Variants in PARP8 observed in about 807,000 individuals in gnomAD.
PARP8 encodes the protein protein mono-ADP-ribosyltransferase PARP8.
A neutral mutation model predicts 124.1 loss-of-function variants in PARP8; 51 were observed. The ratio of observed to expected loss-of-function variants is 0.41; its 90% CI spans 0.33 to 0.52. The LOEUF (loss-of-function observed/expected upper bound fraction) is 0.52, where lower values mean the gene tolerates loss of function less well. Among genes scored for constraint, PARP8 ranks in the 20% least tolerant of loss-of-function variants. The pLI is 0.21. For synonymous variants in PARP8, 391 were observed against 361.5 expected (o/e 1.08, Z -0.93); for missense variants, 860 against 1,018.9 (o/e 0.84, Z 2.12).
intron 2 of PARP8, among the ~76,000 whole-genome samples, chr5:50,679,127 TA>T (rs202185549): frequency 1.7e-4 from 25 of 149,946 alleles, no homozygotes; most frequent in African/African-American, 3.4e-4. Flanking sequence ...TGCTTTCACT[TA>T]AAAAAAAAAT....
rs149727857 is a variant in PARP8, at chr5:50,829,600, G to A, written c.2164-292G>A. Among the ~76,000 whole-genome samples, 601 of 152,196 alleles carry A rather than the reference G, an allele frequency of 3.9e-3. 2 individuals are homozygous for A. The highest frequency in any genetic ancestry group is 0.014 in the African/African-American group (575 of 41,526). On this transcript the variant is annotated intron_variant, in intron 21 of 25. Transcript: ENST00000281631. ...TACTGTGTCTTTCGGACCAAGTTTAGTTTCTGAAATTTTAGATCCATTAAA... is the reference window on the plus strand; with the variant it reads ...TACTGTGTCTTTCGGACCAAGTTTAATTTCTGAAATTTTAGATCCATTAAA...
intron 10 of PARP8, among the ~76,000 whole-genome samples, chr5:50,793,817 G>A (rs26067): frequency 0.72 from 109,779 of 151,908 alleles, 41,159 homozygotes; most frequent in African/African-American, 0.93. Context: ...TTTCTTAAAA[G>A]TTGATTTTCT....
At chr5:50,679,938 G>A (rs1322573285) in intron 2 of PARP8, among the ~76,000 whole-genome samples, 3 of 152,068 alleles carry the variant, frequency 2.0e-5, no homozygotes, top group Admixed American at 1.3e-4. Context: ...TCTAAATTAC[G>A]GTCAAATTGT....
intron 17 of PARP8, among the ~76,000 whole-genome samples, chr5:50,823,214 C>A (rs1243772157): frequency 6.6e-6 from 1 of 152,212 alleles, no homozygotes; most frequent in African/African-American, 2.4e-5. Flanking sequence ...TGTCCCAGGG[C>A]CCACTAAGCT....
At chr5:50,678,722 C>T (rs1334197430) in intron 2 of PARP8, among the ~76,000 whole-genome samples, 5 of 152,130 alleles carry the variant, frequency 3.3e-5, no homozygotes, top group Non-Finnish European at 7.4e-5. Context: ...AGCTCATTCT[C>T]CAGGAGCTGG....
intron 2 of PARP8, among the ~76,000 whole-genome samples, chr5:50,734,807 G>A (rs1757319587): frequency 6.6e-6 from 1 of 152,024 alleles, no homozygotes; most frequent in Non-Finnish European, 1.5e-5. Flanking sequence ...TTTTTCCTGA[G>A]TATTGGAGTT....
intron 7 of PARP8, among the ~76,000 whole-genome samples, chr5:50,768,259 T>A (rs1761245907): frequency 1.3e-5 from 2 of 152,102 alleles, no homozygotes; most frequent in Non-Finnish European, 2.9e-5. Context: ...CTTGAGTAGT[T>A]CCATTAAAAA....
At chr5:50,679,530 C>T (rs1429904236) in intron 2 of PARP8, among the ~76,000 whole-genome samples, 1 of 152,148 alleles carries the variant, frequency 6.6e-6, no homozygotes, top group Non-Finnish European at 1.5e-5. Flanking sequence ...GAGCTTTTGT[C>T]TTGGGCCACC....
At chr5:50,788,052 T>C in intron 9 of PARP8, among the ~76,000 whole-genome samples, 1 of 149,734 alleles carries the variant, frequency 6.7e-6, no homozygotes, top group Middle Eastern at 3.6e-3. Context: ...AAATGATGTA[T>C]GTAGATGCAA....
intron 25 of PARP8, among the ~76,000 whole-genome samples, chr5:50,837,229 AAC>A (rs1336519422): frequency 2.0e-5 from 3 of 152,184 alleles, no homozygotes; most frequent in Admixed American, 6.6e-5. Context: ...TTGCTTTATG[AAC>A]ACAAATGAGA....
chr5:50,770,092 T>TC (rs758183369), intron 7 of PARP8, among the ~76,000 whole-genome samples: 1 of 152,102 alleles, frequency 6.6e-6, no homozygotes, highest in Non-Finnish European at 1.5e-5. Flanking sequence ...TTGCAACATT[T>TC]CCCCCAGGAT....
At position 50,734,886 on chromosome 5, in the gene PARP8, C is replaced by T. The variant is rs114476916; in HGVS notation, c.147-15265C>T. Among the ~76,000 whole-genome samples the T allele has an allele frequency of 1.9e-3, 282 of 152,144 alleles. 1 individual carries two copies. Among genetic ancestry groups the T allele is most frequent in the Non-Finnish European group, 2.4e-3 (163 of 67,958 alleles). Reference sequence around the variant, plus strand: ...GCCAAGACATGGATTTACTCTTTAACCTGCAGTGCCTAGAAAGGGAAGCTG... The same window carrying T: ...GCCAAGACATGGATTTACTCTTTAATCTGCAGTGCCTAGAAAGGGAAGCTG... On this transcript the variant is annotated intron_variant, in intron 2 of 25. Transcript: ENST00000281631.
chr5:50,827,037 A>G (rs904802410), intron 19 of PARP8, among the ~76,000 whole-genome samples: 10 of 152,166 alleles, frequency 6.6e-5, no homozygotes, highest in African/African-American at 2.4e-4. Flanking sequence ...AAAAACATCA[A>G]TATGAAATCA....
At chr5:50,674,469 C>T (rs1750388864) in intron 2 of PARP8, among the ~76,000 whole-genome samples, 1 of 152,232 alleles carries the variant, frequency 6.6e-6, no homozygotes, top group African/African-American at 2.4e-5. Flanking sequence ...AACCTAGTGT[C>T]TTAAAATTCT....
intron 18 of PARP8, among the ~76,000 whole-genome samples, chr5:50,826,462 G>A (rs1746362535): frequency 6.6e-6 from 1 of 152,078 alleles, no homozygotes; most frequent in Non-Finnish European, 1.5e-5. Context: ...ATTCAGAAAT[G>A]TTCAAATGTT....
At chr5:50,802,552 G>A (rs1413353705) in intron 14 of PARP8, among the ~76,000 whole-genome samples, 2 of 152,022 alleles carry the variant, frequency 1.3e-5, no homozygotes, top group South Asian at 2.1e-4. Context: ...TGAAGTCCTG[G>A]CCTCAAATGA....
intron 3 of PARP8, 114 bp downstream of exon 3, chr5:50,750,302 G>C: frequency 1.1e-6 from 1 of 878,154 alleles, no homozygotes; most frequent in Non-Finnish European, 1.8e-6. Context: ...CACTGGTAGA[G>C]GAAGCCTTAA....
intron 25 of PARP8, among the ~76,000 whole-genome samples, chr5:50,835,418 C>A (rs1426747491): frequency 6.6e-6 from 1 of 152,118 alleles, no homozygotes; most frequent in Non-Finnish European, 1.5e-5. Context: ...TGGTGCATGC[C>A]TGTAGTCCCA....
chr5:50,718,254 A>G (rs149730571), intron 2 of PARP8, among the ~76,000 whole-genome samples: 1 of 152,176 alleles, frequency 6.6e-6, no homozygotes, highest in East Asian at 1.9e-4. Flanking sequence ...ACATTAGGTA[A>G]GAGCTTTGAT....
Sources: allele counts gnomAD v4.1 joint callset (sites outside exome capture counted in the v4.1 genomes callset), GRCh38; gene constraint gnomAD v4.1.1; transcripts MANE v1.5; gene names NCBI Gene and HGNC (gene_info 2026-07-23, HGNC 2026-07-21).